HIVEP2: variants seen among roughly 807,000 people sequenced by gnomAD.
The protein encoded by HIVEP2 is transcription factor HIVEP2.
A neutral mutation model predicts 180.7 loss-of-function variants in HIVEP2; 14 were observed. That is an observed-to-expected ratio of 0.08 (90% confidence interval 0.05 to 0.12). HIVEP2 has a LOEUF of 0.12. Among genes scored for constraint, HIVEP2 ranks in the 10% least tolerant of loss-of-function variants. HIVEP2 has a pLI of 1.00. For missense variants in HIVEP2, 2,579 were observed against 3,008.5 expected (o/e 0.86, Z 3.34); for synonymous variants, 1,184 against 1,136.4 (o/e 1.04, Z -0.84).
At chr6:142,939,673 C>T (rs995654000) in intron 1 of HIVEP2, among the ~76,000 whole-genome samples, 1 of 152,182 alleles carries the variant, frequency 6.6e-6, no homozygotes, top group Admixed American at 6.5e-5. Flanking sequence ...TCCATTTATA[C>T]TCTACTCCCA....
At chr6:142,784,607 C>T (rs533825028) in intron 2 of HIVEP2, among the ~76,000 whole-genome samples, 2 of 152,298 alleles carry the variant, frequency 1.3e-5, no homozygotes, top group Admixed American at 6.5e-5. Flanking sequence ...GCAAGAACCA[C>T]GTCAGTAACC....
chr6:142,767,746 T>G (rs1562501945), intron 6 of HIVEP2, among the ~76,000 whole-genome samples: 1 of 152,254 alleles, frequency 6.6e-6, no homozygotes, highest in African/African-American at 2.4e-5. Flanking sequence ...ACAAAGTCTT[T>G]GAACCTTATT....
At chr6:142,851,007 T>C (rs907907131) in intron 1 of HIVEP2, among the ~76,000 whole-genome samples, 2 of 152,094 alleles carry the variant, frequency 1.3e-5, no homozygotes, top group Non-Finnish European at 1.5e-5. Flanking sequence ...TGATGAAAAA[T>C]TCAGGAAAAA....
chr6:142,890,031 C>A (rs1266741830), intron 1 of HIVEP2, among the ~76,000 whole-genome samples: 1 of 152,188 alleles, frequency 6.6e-6, no homozygotes, highest in East Asian at 1.9e-4. Flanking sequence ...TCTATCATTT[C>A]CCCTTTCCCC....
chr6:142,777,553 CAGG>C (rs2114675586), intron 3 of HIVEP2, among the ~76,000 whole-genome samples: 1 of 144,198 alleles, frequency 6.9e-6, no homozygotes, highest in South Asian at 2.2e-4. Flanking sequence ...GAGGCTGAGG[CAGG>C]AGAATTGTTT....
At chr6:142,829,926 C>T (rs1313154466) in intron 2 of HIVEP2, among the ~76,000 whole-genome samples, 1 of 152,144 alleles carries the variant, frequency 6.6e-6, no homozygotes, top group Non-Finnish European at 1.5e-5. Flanking sequence ...ATTTACTGCC[C>T]TATAGTTATT....
rs1554279275 is a variant in HIVEP2, at chr6:142,793,656, CTTTTT to C, written c.-527-10046_-527-10042del. ...TCTTTCTTTCTTTCTTTCTTTCTTT[CTTTTT>C]TCTTTCTTTCTTTCTCTCTCTCTCT... On this transcript the variant is annotated intron_variant, in intron 2 of 9. Transcript: ENST00000367603. 1.2e-3 allele frequency among the ~76,000 whole-genome samples: 92 copies of C among 77,326 alleles called. 1 individual carries two copies. The highest frequency in any genetic ancestry group is 3.7e-3 in the African/African-American group (84 of 22,670). The allele number at this position is 77,326 out of a possible 152,430, so 50.7% of individuals were successfully genotyped here. A position where few individuals can be genotyped will look rare whatever the true frequency, so the allele number is the denominator to read the frequency against.
intron 2 of HIVEP2, among the ~76,000 whole-genome samples, chr6:142,815,406 A>G (rs768677155): frequency 2.0e-5 from 3 of 152,176 alleles, no homozygotes; most frequent in Non-Finnish European, 4.4e-5. Flanking sequence ...AGGAGGAGAA[A>G]GTTCAAACAC....
At chr6:142,792,431 G>A (rs1776160209) in intron 2 of HIVEP2, among the ~76,000 whole-genome samples, 1 of 152,122 alleles carries the variant, frequency 6.6e-6, no homozygotes, top group Non-Finnish European at 1.5e-5. Flanking sequence ...GGATGAAGCT[G>A]GAAGCCATCA....
At chr6:142,945,611 G>C (rs1008192673), upstream of HIVEP2, among the ~76,000 whole-genome samples, 1 of 152,220 alleles carries the variant, frequency 6.6e-6, no homozygotes, top group Non-Finnish European at 1.5e-5. This position sits in a 1 kb window ranked among gnomAD's most constrained non-coding sequence, Gnocchi z 5.5. Context: ...CGCTGTGAAC[G>C]AGCCGGGAGA....
At chr6:142,872,810 G>T (rs1776325910) in intron 1 of HIVEP2, among the ~76,000 whole-genome samples, 1 of 152,208 alleles carries the variant, frequency 6.6e-6, no homozygotes, top group Non-Finnish European at 1.5e-5. Context: ...AGGAAGTTAT[G>T]ATTTCATGCA....
At chr6:142,887,412 G>T (rs757529820) in intron 1 of HIVEP2, among the ~76,000 whole-genome samples, 1 of 152,162 alleles carries the variant, frequency 6.6e-6, no homozygotes, top group Non-Finnish European at 1.5e-5. Context: ...ACCCTGAAAT[G>T]ATCATGTTTC....
chr6:142,759,904 G>A lies in HIVEP2; in HGVS notation c.6384C>T (p.Asp2128=). 1.9e-6 allele frequency: 3 copies of A among 1,614,114 alleles called. No individual in the cohort carries two copies. The highest frequency in any genetic ancestry group is 2.5e-6 in the Non-Finnish European group (3 of 1,180,000). ...SPGKDITARR[D]LSPRRERRYM... ...ATCTTCTCTCTCTTCTAGGAGAGAG[G>A]TCTCTTCTTGCTGTGATATCTTTCC... The change falls in exon 9 of 10, where the codon GAC becomes GAT. Residue 2128 remains aspartate (D), a synonymous_variant. Coordinates refer to ENST00000367603, the MANE Select transcript of HIVEP2 (RefSeq NM_006734.4).
At chr6:142,818,777 G>GA (rs1309903797) in intron 2 of HIVEP2, among the ~76,000 whole-genome samples, 1 of 131,476 alleles carries the variant, frequency 7.6e-6, no homozygotes, top group East Asian at 2.2e-4. Context: ...AAGAAAGAAA[G>GA]AAAGAAAGAA....
At chr6:142,853,650 T>C (rs1296633543) in intron 1 of HIVEP2, among the ~76,000 whole-genome samples, 4 of 152,124 alleles carry the variant, frequency 2.6e-5, no homozygotes, top group Non-Finnish European at 5.9e-5. Flanking sequence ...GTCAATAGGA[T>C]ATGAAACTGC....
chr6:142,797,977 T>A (rs1776318594), intron 2 of HIVEP2, among the ~76,000 whole-genome samples: 1 of 152,112 alleles, frequency 6.6e-6, no homozygotes, highest in Non-Finnish European at 1.5e-5. Context: ...GGAGGAATAT[T>A]ATAAATAATT....
chr6:142,923,263 G>A (rs575729883), intron 1 of HIVEP2, among the ~76,000 whole-genome samples: 15 of 152,014 alleles, frequency 9.9e-5, no homozygotes, highest in African/African-American at 2.7e-4. Context: ...TCCGGGAGGC[G>A]GAGGTTGCAG....
intron 1 of HIVEP2, among the ~76,000 whole-genome samples, chr6:142,846,015 C>T (rs1191897603): frequency 6.6e-6 from 1 of 152,214 alleles, no homozygotes; most frequent in Non-Finnish European, 1.5e-5. Context: ...ACAGGACATC[C>T]CTCCTGGCAT....
chr6:142,854,741 A>T (rs905715463), intron 1 of HIVEP2, among the ~76,000 whole-genome samples: 2 of 152,156 alleles, frequency 1.3e-5, no homozygotes, highest in African/African-American at 4.8e-5. Flanking sequence ...CCTGCTTCTT[A>T]AGCTTTTCCA....
Sources: gnomAD v4.1 joint callset for allele counts (sites outside exome capture counted in the v4.1 genomes callset) on GRCh38, gnomAD v4.1.1 for gene constraint, Gnocchi (gnomAD v3.1) non-coding constraint, MANE v1.5 for transcripts, NCBI Gene and HGNC (gene_info 2026-07-23, HGNC 2026-07-21) for gene names.